BAIAP2L1: variants seen among roughly 807,000 people sequenced by gnomAD.
The protein encoded by BAIAP2L1 is BAR/IMD domain-containing adapter protein 2-like 1.
BAIAP2L1 carries 35 observed loss-of-function variants against 66.3 expected under a neutral mutation model. The ratio of observed to expected loss-of-function variants is 0.53; its 90% confidence interval spans 0.40 to 0.70. The LOEUF is 0.70. Ranked by LOEUF, BAIAP2L1 falls within the 30% of genes least tolerant of loss-of-function variation. The pLI is 0.00. For missense variants in BAIAP2L1, 622 were observed against 656.9 expected (o/e 0.95, Z 0.58); for synonymous variants, 269 against 248.7 (o/e 1.08, Z -0.77).
chr7:98,389,290 C>CA (rs1307812090), intron 1 of BAIAP2L1, among the ~76,000 whole-genome samples: 4 of 152,118 alleles, frequency 2.6e-5, no homozygotes, highest in Non-Finnish European at 5.9e-5. Context: ...ACCCCTACCC[C>CA]AATCTTTTCT....
chr7:98,330,644 A>G (rs6948346), intron 3 of BAIAP2L1, among the ~76,000 whole-genome samples: 60,065 of 151,814 alleles, frequency 0.4, 12,785 homozygotes, highest in Middle Eastern at 0.54. Context: ...GTGACAGAGC[A>G]AAACTGTTTC....
chr7:98,317,430 C>T, intron 5 of BAIAP2L1, 74 bp from the exon 6 acceptor site: 4 of 1,574,118 alleles, frequency 2.5e-6, no homozygotes, highest in Non-Finnish European at 3.5e-6. Context: ...TTTACTCACA[C>T]TTCCACTGTG....
chr7:98,392,274 G>A (rs992186243), intron 1 of BAIAP2L1, among the ~76,000 whole-genome samples: 9 of 152,012 alleles, frequency 5.9e-5, no homozygotes, highest in Non-Finnish European at 1.2e-4. Context: ...GAACCTGGGA[G>A]GCGGAGGTTG....
rs571962310 is a variant in BAIAP2L1 at position 98,345,074 on chromosome 7, A to G, written c.214+9968T>C. Among the ~76,000 whole-genome samples, 7 of 152,312 alleles carry G rather than the reference A, an allele frequency of 4.6e-5. No homozygotes were observed. In the South Asian group the frequency reaches 1.2e-3, roughly 27 times the overall value. On this transcript the variant is annotated intron_variant, in intron 3 of 13. Transcript: ENST00000005260. Reference sequence around the variant, plus strand: ...ACATCTTCCATGAGGCTGAGGCAGGAGGGCTGCTTGAGCCCAGGAGTTCAA... The same window carrying G: ...ACATCTTCCATGAGGCTGAGGCAGGGGGGCTGCTTGAGCCCAGGAGTTCAA...
At chr7:98,354,730 C>A (rs1050073234) in intron 3 of BAIAP2L1, among the ~76,000 whole-genome samples, 1 of 152,172 alleles carries the variant, frequency 6.6e-6, no homozygotes, top group Non-Finnish European at 1.5e-5. Flanking sequence ...CCCCAGGAGG[C>A]CCGGCTCGCC....
intron 3 of BAIAP2L1, among the ~76,000 whole-genome samples, chr7:98,344,597 T>A (rs1004584465): frequency 5.3e-5 from 8 of 152,252 alleles, no homozygotes; most frequent in African/African-American, 1.9e-4. Flanking sequence ...AAATTTTAGA[T>A]ACTAACTTGC....
chr7:98,383,136 C>A (rs948391850), intron 1 of BAIAP2L1, among the ~76,000 whole-genome samples: 1 of 151,722 alleles, frequency 6.6e-6, no homozygotes, highest in African/African-American at 2.4e-5. Context: ...ACACTCCAGC[C>A]TGGGCAAGAG....
At chr7:98,325,417 C>T (rs1801358459) in intron 3 of BAIAP2L1, among the ~76,000 whole-genome samples, 1 of 151,632 alleles carries the variant, frequency 6.6e-6, no homozygotes, top group South Asian at 2.1e-4. Context: ...GTGGCTCATG[C>T]CTGTAATCCC....
intron 3 of BAIAP2L1, among the ~76,000 whole-genome samples, chr7:98,338,084 C>T (rs899658348): frequency 1.3e-5 from 2 of 152,150 alleles, no homozygotes; most frequent in African/African-American, 4.8e-5. Flanking sequence ...AGTACATTCA[C>T]AATATTGTGC....
chr7:98,315,500 T>C lies in BAIAP2L1; in HGVS notation c.599A>G (p.His200Arg). The C allele has an allele frequency of 6.6e-7, 1 of 1,521,926 alleles. No homozygotes were observed. Among genetic ancestry groups the C allele is most frequent in the Non-Finnish European group, 8.9e-7 (1 of 1,129,522 alleles). 94.3% of individuals were successfully genotyped at this position (1,521,926 alleles called of 1,614,324 possible). A position where few individuals can be genotyped will look rare whatever the true frequency, so the allele number is the denominator to read the frequency against. Residue 200 changes from histidine (H) to arginine (R), a missense_variant, in exon 7 of 14, where the codon CAC becomes CGC. His to Arg is a conservative substitution (Grantham distance 29). Transcript: ENST00000005260. ...ATGTATGTGGTTTGCAAAGCCACAGTGCTTATCAACCAGAAAGCAGAAGCG... is the reference window on the plus strand; with the variant it reads ...ATGTATGTGGTTTGCAAAGCCACAGCGCTTATCAACCAGAAAGCAGAAGCG... ...KRRFCFLVDKHCGFANHIHYY... is the reference protein window; with the variant it reads ...KRRFCFLVDKRCGFANHIHYY...
chr7:98,298,413 T>C (rs1022158354), intron 12 of BAIAP2L1, among the ~76,000 whole-genome samples: 3 of 152,112 alleles, frequency 2.0e-5, no homozygotes, highest in South Asian at 2.1e-4. Flanking sequence ...GAGATCGAGA[T>C]CATCCTGGCT....
chr7:98,333,459 C>T (rs1635611), intron 3 of BAIAP2L1, among the ~76,000 whole-genome samples: 18,409 of 151,812 alleles, frequency 0.12, 1,405 homozygotes, highest in South Asian at 0.23. Flanking sequence ...ATTAGCTGGG[C>T]GTGGTGGTGG....
chr7:98,342,486 G>A (rs1801768258), intron 3 of BAIAP2L1, among the ~76,000 whole-genome samples: 1 of 152,120 alleles, frequency 6.6e-6, no homozygotes, highest in Admixed American at 6.6e-5. Flanking sequence ...ATGATTAAAG[G>A]AAATCTATGA....
chr7:98,336,766 T>C (rs1275785590), intron 3 of BAIAP2L1, among the ~76,000 whole-genome samples: 4 of 152,168 alleles, frequency 2.6e-5, no homozygotes, highest in South Asian at 2.1e-4. Flanking sequence ...AAACTACAAA[T>C]TGAAAATGAA....
At chr7:98,397,573 C>T (rs1803245182) in intron 1 of BAIAP2L1, among the ~76,000 whole-genome samples, 1 of 152,028 alleles carries the variant, frequency 6.6e-6, no homozygotes, top group Admixed American at 6.6e-5. Flanking sequence ...TCTGCCTGCC[C>T]ACCTTGGCCT....
At chr7:98,297,758 G>A (rs373334795) in intron 12 of BAIAP2L1, among the ~76,000 whole-genome samples, 2 of 152,224 alleles carry the variant, frequency 1.3e-5, no homozygotes, top group Non-Finnish European at 2.9e-5. Flanking sequence ...TGACGCAAAC[G>A]AAGATGCGTG....
intron 3 of BAIAP2L1, among the ~76,000 whole-genome samples, chr7:98,335,924 T>C (rs1001910843): frequency 6.6e-6 from 1 of 152,204 alleles, no homozygotes; most frequent in Non-Finnish European, 1.5e-5. Flanking sequence ...GGATCCTCCT[T>C]CAACCAGACT....
intron 9 of BAIAP2L1, chr7:98,310,163 T>A: frequency 3.0e-6 from 1 of 328,416 alleles, no homozygotes; most frequent in East Asian, 7.9e-5. Context: ...CATTTATTTG[T>A]AAATAGATAA....
chr7:98,385,117 G>T (rs1215299203), intron 1 of BAIAP2L1, among the ~76,000 whole-genome samples: 1 of 151,964 alleles, frequency 6.6e-6, no homozygotes, highest in Non-Finnish European at 1.5e-5. Context: ...AGACCAGCCT[G>T]GCCAACATGG....
Sources: allele counts gnomAD v4.1 joint callset (sites outside exome capture counted in the v4.1 genomes callset), GRCh38; gene constraint gnomAD v4.1.1; transcripts MANE v1.5; gene names NCBI Gene and HGNC (gene_info 2026-07-23, HGNC 2026-07-21).